Variants in LRP1 observed in about 807,000 individuals in gnomAD.
The protein encoded by LRP1 is prolow-density lipoprotein receptor-related protein 1.
In LRP1, 51 loss-of-function variants were observed where a neutral mutation model predicts 541.5. That is an observed-to-expected ratio of 0.09 (90% CI 0.08 to 0.12). The LOEUF (loss-of-function observed/expected upper bound fraction) is 0.12. LRP1 is among the 10% of genes least tolerant of loss of function. The pLI is 1.00. For missense variants in LRP1, 3,878 were observed against 6,376.2 expected (o/e 0.61, Z 13.34); for synonymous variants, 2,219 against 2,470.8 (o/e 0.90, Z 3.02).
chr12:57,197,641 C>G lies in LRP1; in HGVS notation c.9259C>G (p.His3087Asp). ...TTQGSMIRRM[H>D]LNGSNVQVLH... ...CCAGGGCAGCATGATCCGAAGGATG[C>G]ACCTTAACGGGAGCAATGTGCAGGT... Residue 3087 changes from histidine (H) to aspartate (D), a missense_variant, in exon 58 of 89, where the codon CAC becomes GAC. Around this residue, in one of 13 missense-constraint regions of LRP1, gnomAD observed 1,100 missense variants for 1,827.4 expected, o/e 0.60. Coordinates refer to ENST00000243077, the MANE Select transcript of LRP1 (RefSeq NM_002332.3). The surrounding 1 kb of genome is among the most constrained non-coding windows in gnomAD (Gnocchi z 4.5). 1 of 1,614,016 alleles carries G rather than the reference C, an allele frequency of 6.2e-7. No individual in the cohort carries two copies. The highest frequency in any genetic ancestry group is 8.5e-7 in the Non-Finnish European group (1 of 1,180,002).
Position 57,183,465 on chromosome 12 carries a change from C to A in LRP1, c.5749C>A (p.Pro1917Thr). ...CAATGACAAGTCAGATGCCCTGGTC[C>A]CAGTGTCCGGGACCTCGCTGGCTGT... ...DPNDKSDALV[P>T]VSGTSLAVGI... is the part of the protein sequence containing the mutation. Residue 1917 changes from proline to threonine, a missense_variant, in exon 35 of 89, where the codon CCA becomes ACA. This residue lies in a region of LRP1 where 394 missense variants were observed against 635.9 expected (regional missense o/e 0.62). Transcript: ENST00000243077. This position sits in a 1 kb window ranked among gnomAD's most constrained non-coding sequence, Gnocchi z 6.1. 1 of 1,614,150 alleles carries A rather than the reference C, an allele frequency of 6.2e-7. No individual in the cohort carries two copies.
Position 57,167,149 on chromosome 12 carries a change from G to T in LRP1, c.2914+103G>T, listed in dbSNP as rs2035856539. On this transcript the variant is annotated intron_variant, in intron 18 of 88. Coordinates refer to ENST00000243077, the MANE Select transcript of LRP1 (RefSeq NM_002332.3). ...GAGACACCTGCAACCCAGCACTTGG[G>T]TGGCCTTGAGTGAGTTAATCTCGGT... is the stretch of plus-strand genomic sequence containing the variant. 4.5e-6 allele frequency: 4 copies of T among 894,276 alleles called. No individual in the cohort carries two copies. The Admixed American group carries it at 8.0e-5, about 18-fold the overall frequency. The allele number at this position is 894,276 out of a possible 1,614,324, so 55.4% of individuals were successfully genotyped here.
rs2036950976 is a variant in LRP1 at position 57,212,981 on chromosome 12, C to G, written c.*426C>G. On this transcript the variant is annotated 3_prime_UTR_variant, in exon 89 of 89. Coordinates refer to ENST00000243077, the MANE Select transcript of LRP1 (RefSeq NM_002332.3). This position sits in a 1 kb window ranked among gnomAD's most constrained non-coding sequence, Gnocchi z 5.0. Reference sequence around the variant, plus strand: ...GGGAAGGGAGAGTTCTTTGCTGCCCCTGTCTGGAAGACGTGGCTCTGGGTG... The same window carrying G: ...GGGAAGGGAGAGTTCTTTGCTGCCCGTGTCTGGAAGACGTGGCTCTGGGTG... 6.2e-6 allele frequency: 1 copy of G among 161,766 alleles called. No homozygotes were observed. Among genetic ancestry groups the G allele is most frequent in the Non-Finnish European group, 1.4e-5 (1 of 73,632 alleles). 10.0% of individuals were successfully genotyped at this position (161,766 alleles called of 1,614,324 possible).
In LRP1 at chr12:57,211,766, A is replaced by G. The variant is rs2036923454; in HGVS notation, c.13210A>G (p.Thr4404Ala). ...MPECQCPPHM[T>A]GPRCEEHVFS... ...TTTCTGCAGGTGCCCACCCCACATG[A>G]CAGGGCCCCGGTGTGAGGAGCACGT... is the stretch of plus-strand genomic sequence containing the variant. Residue 4404 changes from threonine to alanine, a missense_variant, in exon 86 of 89, where the codon ACA (threonine) becomes GCA (alanine). Coordinates refer to ENST00000243077, the MANE Select transcript of LRP1 (RefSeq NM_002332.3). This position sits in a 1 kb window ranked among gnomAD's most constrained non-coding sequence, Gnocchi z 4.3. 6.2e-7 allele frequency: 1 copy of G among 1,612,986 alleles called. No individual in the cohort carries two copies. The highest frequency in any genetic ancestry group is 8.5e-7 in the Non-Finnish European group (1 of 1,179,912).
In LRP1 at chr12:57,209,686, C is replaced by T. The variant is rs2036864726; in HGVS notation, c.12263-6C>T. 1 of 1,613,968 alleles carries T rather than the reference C, an allele frequency of 6.2e-7. No homozygotes were observed. Among genetic ancestry groups the T allele is most frequent in the Non-Finnish European group, 8.5e-7 (1 of 1,179,868 alleles). On this transcript the variant is annotated splice_polypyrimidine_tract_variant and splice_region_variant and intron_variant, in intron 79 of 88. Coordinates refer to ENST00000243077, the MANE Select transcript of LRP1 (RefSeq NM_002332.3). ...AGGTCCCCTCTGACTCCACCTCCTC[C>T]CCCAGGCCTAAGTCACCCCTTCAGC... is the stretch of plus-strand genomic sequence containing the variant.
intron 52 of LRP1, 47 bp from the exon 53 acceptor site, chr12:57,195,611 C>A (rs774440249): frequency 1.9e-6 from 3 of 1,613,284 alleles, no homozygotes; most frequent in South Asian, 1.1e-5. Flanking sequence ...GGACGGTCGG[C>A]CGCTGGCCAG....
chr12:57,197,541 C>A lies in LRP1; in HGVS notation c.9163-4C>A, dbSNP rs779996316. On this transcript the variant is annotated splice_polypyrimidine_tract_variant and splice_region_variant and intron_variant, in intron 57 of 88. Coordinates refer to ENST00000243077, the MANE Select transcript of LRP1 (RefSeq NM_002332.3). The surrounding 1 kb of genome is among the most constrained non-coding windows in gnomAD (Gnocchi z 4.5). ...TTCTGCTGTCCTTCACTCCCCAAATCCAGGGCCTGAACAACGCCGTTGCCT... is the reference window on the plus strand; with the variant it reads ...TTCTGCTGTCCTTCACTCCCCAAATACAGGGCCTGAACAACGCCGTTGCCT... 6 of 1,614,134 alleles carry A rather than the reference C, an allele frequency of 3.7e-6. No homozygotes were observed. Among genetic ancestry groups the A allele is most frequent in the Non-Finnish European group, 5.1e-6 (6 of 1,180,016 alleles).
chr12:57,136,395 G>GC (rs35376308), intron 1 of LRP1, among the ~76,000 whole-genome samples: 19,060 of 98,636 alleles, frequency 0.19, 2,767 homozygotes, highest in African/African-American at 0.22. Context: ...CCTCCTAAGA[G>GC]CCCCCCCCCC....
intron 53 of LRP1, 29 bp from the exon 54 acceptor site, chr12:57,195,834 T>A (rs368250799): frequency 6.2e-7 from 1 of 1,613,950 alleles, no homozygotes; most frequent in African/African-American, 1.3e-5. Flanking sequence ...GGCCAGGGCA[T>A]CAGCCTCACA....
intron 6 of LRP1, among the ~76,000 whole-genome samples, chr12:57,151,735 C>T (rs2035529155): frequency 6.6e-6 from 1 of 152,218 alleles, no homozygotes; most frequent in South Asian, 2.1e-4. Context: ...CATCTCTCTA[C>T]ACTGGCCTTG....
chr12:57,167,942 A>G (rs530800779), intron 19 of LRP1, among the ~76,000 whole-genome samples: 1 of 152,318 alleles, frequency 6.6e-6, no homozygotes, highest in South Asian at 2.1e-4. Flanking sequence ...GCAGATAGCC[A>G]TGGACCAGGT....
chr12:57,201,712 C>G lies in LRP1; in HGVS notation c.10469-68C>G, dbSNP rs2036659959. ...GACCCCCTCAGTGGCTGCTCCCTCA[C>G]TCTCCCCACCCTCCCGGCACACTCC... On this transcript the variant is annotated intron_variant, in intron 66 of 88. Transcript: ENST00000243077. The surrounding 1 kb of genome is among the most constrained non-coding windows in gnomAD (Gnocchi z 6.4). 15 of 1,597,590 alleles carry G rather than the reference C, an allele frequency of 9.4e-6. No individual in the cohort carries two copies. The South Asian group carries it at 1.7e-4, about 18-fold the overall frequency.
intron 1 of LRP1, among the ~76,000 whole-genome samples, chr12:57,136,344 G>A (rs922109976): frequency 1.3e-5 from 2 of 151,688 alleles, no homozygotes; most frequent in African/African-American, 4.8e-5. Flanking sequence ...GTGGGGGTTA[G>A]GAGGGAAGAC....
At position 57,212,490 on chromosome 12, in the gene LRP1, A is replaced by G. The variant is rs2036939114; in HGVS notation, c.13570A>G (p.Thr4524Ala). The G allele has an allele frequency of 6.2e-7, 1 of 1,613,854 alleles. No homozygotes were observed. Residue 4524 changes from threonine to alanine, a missense_variant, in exon 89 of 89, where the codon ACG becomes GCG. By Grantham distance (58) the Thr-to-Ala change is moderately conservative. This residue lies in a region of LRP1 where 871 missense variants were observed against 1,212.4 expected (regional missense o/e 0.72). Transcript: ENST00000243077. The surrounding 1 kb of genome is among the most constrained non-coding windows in gnomAD (Gnocchi z 5.0). ...GHGSRHSLAS[T>A]DEKRELLGRG... ...TGGCAGTCGCCACTCCCTGGCCAGC[A>G]CGGACGAGAAGCGAGAACTCCTGGG...
chr12:57,196,203 C>T lies in LRP1; in HGVS notation c.8818C>T (p.His2940Tyr). Residue 2940 changes from histidine (H) to tyrosine (Y), a missense_variant, in exon 55 of 89, where the codon CAC becomes TAC. His to Tyr is a moderately conservative substitution (Grantham distance 83). Transcript: ENST00000243077. The part of the protein sequence containing the change: ...CGDSSDERGC[H>Y]INECLSRKLS... ...CGACAGCTCGGACGAGCGTGGCTGC[C>T]ACATCAATGAGTGTCTCAGCCGCAA... is the stretch of plus-strand genomic sequence containing the variant. The T allele has an allele frequency of 6.2e-7, 1 of 1,612,672 alleles. No individual in the cohort carries two copies. Among genetic ancestry groups the T allele is most frequent in the African/African-American group, 1.3e-5 (1 of 75,066 alleles).
chr12:57,193,738 C>G, intron 47 of LRP1, 53 bp downstream of exon 47: 1 of 1,613,704 alleles, frequency 6.2e-7, no homozygotes, highest in South Asian at 1.1e-5. Context: ...CTGCCCCACC[C>G]CTCCCTGGCC....
chr12:57,169,135 G>T lies in LRP1; in HGVS notation c.2996-5G>T, dbSNP rs551204722. 2 of 1,596,984 alleles carry T rather than the reference G, an allele frequency of 1.3e-6. No homozygotes were observed. Among genetic ancestry groups the T allele is most frequent in the African/African-American group, 1.3e-5 (1 of 74,664 alleles). Reference sequence around the variant, plus strand: ...TTGCCTCTCCCCTTCTTCCCCCACCGCCAGACAATGACTGTGGGGACAACA... The same window carrying T: ...TTGCCTCTCCCCTTCTTCCCCCACCTCCAGACAATGACTGTGGGGACAACA... On this transcript the variant is annotated splice_polypyrimidine_tract_variant and splice_region_variant and intron_variant, in intron 19 of 88. Coordinates refer to ENST00000243077, the MANE Select transcript of LRP1 (RefSeq NM_002332.3).
Position 57,209,080 on chromosome 12 carries a change from C to T in LRP1, c.12146-3C>T. ...GCTCTCACAGTGCTCTCTCTCTCCC[C>T]AGGCCTGGCCGTGGATTATCACAAT... On this transcript the variant is annotated splice_region_variant and splice_polypyrimidine_tract_variant and intron_variant, in intron 78 of 88. Coordinates refer to ENST00000243077, the MANE Select transcript of LRP1 (RefSeq NM_002332.3). 2 of 1,611,388 alleles carry T rather than the reference C, an allele frequency of 1.2e-6. No individual in the cohort carries two copies. The highest frequency in any genetic ancestry group is 1.1e-5 in the South Asian group (1 of 90,982).
At chr12:57,191,938 A>ACTACACACCCCACACACG (rs2036410068) in intron 44 of LRP1, among the ~76,000 whole-genome samples, 1 of 146,914 alleles carries the variant, frequency 6.8e-6, no homozygotes, top group Non-Finnish European at 1.5e-5. Context: ...TACCACACAC[A>ACTACACACCCCACACACG]CACCACATAC....
Sources: gnomAD v4.1 joint callset for allele counts (sites outside exome capture counted in the v4.1 genomes callset) on GRCh38, gnomAD v4.1.1 for gene constraint, gnomAD v4.1.1 regional missense constraint, Gnocchi (gnomAD v3.1) non-coding constraint, MANE v1.5 for transcripts, NCBI Gene and HGNC (gene_info 2026-07-23, HGNC 2026-07-21) for gene names.